The following IL22RA2 variants were observed in gnomAD, a reference collection of about 807,000 sequenced individuals.
IL22RA2 encodes the protein interleukin-22 receptor subunit alpha-2.
In IL22RA2, 39 loss-of-function variants were observed where a neutral mutation model predicts 30.7. The ratio of observed to expected loss-of-function variants is 1.27; its 90% CI spans 0.98 to 1.66. The LOEUF (loss-of-function observed/expected upper bound fraction) is 1.66, where lower values mean the gene tolerates loss of function less well. Among genes scored for constraint, IL22RA2 ranks in the 40% most tolerant of loss-of-function variants. The pLI, the probability that IL22RA2 is intolerant of heterozygous loss-of-function variation, is 0.00. For missense variants in IL22RA2, 315 were observed against 312.7 expected (o/e 1.01, Z -0.05); for synonymous variants, 103 against 105.0 (o/e 0.98, Z 0.11).
chr6:137,147,795 TC>T lies in IL22RA2; in HGVS notation c.568del (p.Glu190LysfsTer6), dbSNP rs780434242. 2.0e-5 allele frequency: 32 copies of T among 1,611,232 alleles called. No individual in the cohort carries two copies. Among genetic ancestry groups the T allele is most frequent in the Non-Finnish European group, 2.5e-5 (30 of 1,177,628 alleles). On this transcript the variant is annotated frameshift_variant, in exon 6 of 7. Coordinates refer to ENST00000296980, the MANE Select transcript of IL22RA2 (RefSeq NM_052962.3). LOFTEE classifies it high-confidence loss of function. ...APNLPYRYQK[E>X]KNVSIEDYYE... The stretch of plus-strand genomic sequence containing the variant: ...GTAATCTTCTATAGATACATTTTTT[TC>T]CTTTTGGTATCTATATGGTAAATTT...
intron 2 of IL22RA2, among the ~76,000 whole-genome samples, chr6:137,158,987 C>T (rs1328327455): frequency 2.0e-5 from 3 of 152,166 alleles, no homozygotes; most frequent in African/African-American, 7.2e-5. Flanking sequence ...GGTAGGTCTG[C>T]CTTTGCTGTC....
intron 2 of IL22RA2, 31 bp downstream of exon 2, chr6:137,161,658 A>G (rs28385693): frequency 0.043 from 67,908 of 1,572,780 alleles, 1,696 homozygotes; most frequent in Middle Eastern, 0.068. Context: ...TGACAAAGCT[A>G]TGAGCAATTA....
At chr6:137,155,753 T>A (rs890497473) in intron 4 of IL22RA2, among the ~76,000 whole-genome samples, 2 of 152,168 alleles carry the variant, frequency 1.3e-5, no homozygotes, top group East Asian at 3.8e-4. Context: ...CCTAAAGTGC[T>A]GTCTTGCTGG....
Position 137,147,898 on chromosome 6 carries a change from A to G in IL22RA2, c.473-7T>C, listed in dbSNP as rs752048995. 5.6e-6 allele frequency: 9 copies of G among 1,602,616 alleles called. No homozygotes were observed. Among genetic ancestry groups the G allele is most frequent in the African/African-American group, 1.3e-5 (1 of 74,110 alleles). Reference sequence around the variant, plus strand: ...ACTGGAGGATCTATTTTTGCTGAAGAAAAAACATAAAAATTTGACAAATCA... The same window carrying G: ...ACTGGAGGATCTATTTTTGCTGAAGGAAAAACATAAAAATTTGACAAATCA... On this transcript the variant is annotated splice_region_variant and splice_polypyrimidine_tract_variant and intron_variant, in intron 5 of 6. Coordinates refer to ENST00000296980, the MANE Select transcript of IL22RA2 (RefSeq NM_052962.3).
chr6:137,165,370 C>T (rs1013873349), intron 1 of IL22RA2, among the ~76,000 whole-genome samples: 8 of 152,076 alleles, frequency 5.3e-5, no homozygotes, highest in African/African-American at 9.7e-5. Flanking sequence ...AAGAAGACAT[C>T]GGAAGTTAGA....
intron 5 of IL22RA2, among the ~76,000 whole-genome samples, chr6:137,153,420 T>C (rs1016622628): frequency 6.6e-6 from 1 of 152,182 alleles, no homozygotes; most frequent in African/African-American, 2.4e-5. Context: ...GGCCAATATA[T>C]GGTGCTATTT....
intron 5 of IL22RA2, among the ~76,000 whole-genome samples, chr6:137,154,166 G>A (rs1424314926): frequency 6.6e-6 from 1 of 152,260 alleles, no homozygotes; most frequent in Admixed American, 6.5e-5. Flanking sequence ...CTTCAGGATG[G>A]ATACTGAGAA....
At chr6:137,155,180 TTTTCAGACTAATAATTTTTTATACC>T in intron 4 of IL22RA2, 61 bp from the exon 5 acceptor site, 2 of 1,250,500 alleles carry the variant, frequency 1.6e-6, no homozygotes, top group Non-Finnish European at 2.2e-6. Context: ...GTCTTCAGTA[TTTTCAGACTAATAATTTTTTATACC>T]TGATTCTAGT....
chr6:137,145,493 C>A lies in IL22RA2; in HGVS notation c.*131G>T. 1 of 718,326 alleles carries A rather than the reference C, an allele frequency of 1.4e-6. No homozygotes were observed. Among genetic ancestry groups the A allele is most frequent in the Admixed American group, 3.6e-5 (1 of 27,590 alleles). 44.5% of individuals were successfully genotyped at this position (718,326 alleles called of 1,614,324 possible). On this transcript the variant is annotated 3_prime_UTR_variant, in exon 7 of 7. Transcript: ENST00000296980. The stretch of plus-strand genomic sequence containing the variant: ...AAAGAATGGATAAACAAAGAAGTCC[C>A]CAAGGTGTAACAGTGAATATTGCTT...
chr6:137,154,752 C>T (rs769232077), intron 5 of IL22RA2, among the ~76,000 whole-genome samples, 189 bp downstream of exon 5: 4 of 152,202 alleles, frequency 2.6e-5, no homozygotes, highest in Non-Finnish European at 4.4e-5. Flanking sequence ...AAAGCCTCTA[C>T]ATCTTGATGT....
chr6:137,171,125 C>T (rs114784908), intron 1 of IL22RA2, among the ~76,000 whole-genome samples: 250 of 152,258 alleles, frequency 1.6e-3, no homozygotes, highest in African/African-American at 5.5e-3. Context: ...AAGCAGTATC[C>T]ATCCATGCAG....
At chr6:137,145,807 ATGGC>A in intron 6 of IL22RA2, 34 bp from the exon 7 acceptor site, 1 of 1,612,740 alleles carries the variant, frequency 6.2e-7, no homozygotes, top group Non-Finnish European at 8.5e-7. Flanking sequence ...CAGTTGGTAA[ATGGC>A]TGCCATTAAG....
chr6:137,155,503 TATATAC>T (rs1778385892), intron 4 of IL22RA2, among the ~76,000 whole-genome samples: 1 of 149,870 alleles, frequency 6.7e-6, no homozygotes, highest in South Asian at 2.1e-4. Flanking sequence ...CATATACATA[TATATAC>T]ATATATATAT....
Position 137,153,046 on chromosome 6 carries a change from G to A in IL22RA2, c.472+1895C>T, listed in dbSNP as rs540764751. ...TGGTTATAGATTTTCTTTACTGCTG[G>A]ATATAGATTCTGGTTACAGATTTTG... On this transcript the variant is annotated intron_variant, in intron 5 of 6. Transcript: ENST00000296980. 1.7e-3 allele frequency among the ~76,000 whole-genome samples: 259 copies of A among 152,214 alleles called. 1 individual carries two copies. Among genetic ancestry groups the A allele is most frequent in the African/African-American group, 5.8e-3 (240 of 41,534 alleles).
intron 5 of IL22RA2, among the ~76,000 whole-genome samples, chr6:137,154,016 TTATATC>T (rs1472567221): frequency 6.6e-6 from 1 of 152,190 alleles, no homozygotes; most frequent in Non-Finnish European, 1.5e-5. Flanking sequence ...ATGCACATCT[TTATATC>T]TATACATTAA....
At chr6:137,152,500 G>A (rs1778311007) in intron 5 of IL22RA2, among the ~76,000 whole-genome samples, 1 of 152,154 alleles carries the variant, frequency 6.6e-6, no homozygotes, top group African/African-American at 2.4e-5. Context: ...TCTAGAACAG[G>A]GAACTCTATA....
rs118108388 is a variant in IL22RA2, at chr6:137,169,682, C to T, written c.-66+3731G>A. ...GTACTCCTATTTATATGTTAAACCA[C>T]ATCATAAGGTTGCAAGCAGTTCTGG... On this transcript the variant is annotated intron_variant, in intron 1 of 6. Transcript: ENST00000296980. Among the ~76,000 whole-genome samples, 606 of 152,298 alleles carry T rather than the reference C, an allele frequency of 4.0e-3. 3 individuals carry two copies. Among genetic ancestry groups the T allele is most frequent in the Non-Finnish European group, 7.0e-3 (477 of 68,018 alleles).
intron 1 of IL22RA2, among the ~76,000 whole-genome samples, chr6:137,169,340 C>T (rs1407444616): frequency 6.6e-6 from 1 of 152,162 alleles, no homozygotes; most frequent in African/African-American, 2.4e-5. Context: ...CAATTAGAAG[C>T]TCCAACTGTT....
At chr6:137,169,085 T>C (rs1257042726) in intron 1 of IL22RA2, among the ~76,000 whole-genome samples, 1 of 152,226 alleles carries the variant, frequency 6.6e-6, no homozygotes, top group East Asian at 1.9e-4. Flanking sequence ...TTACCTTGCC[T>C]GAATTTGTTA....
Sources: allele counts gnomAD v4.1 joint callset (sites outside exome capture counted in the v4.1 genomes callset), GRCh38; gene constraint gnomAD v4.1.1; transcripts MANE v1.5; gene names NCBI Gene and HGNC (gene_info 2026-07-23, HGNC 2026-07-21).